Variants in NDST3 observed in about 807,000 individuals in gnomAD.
NDST3 encodes bifunctional heparan sulfate N-deacetylase/N-sulfotransferase 3.
NDST3 carries 58 observed loss-of-function variants against 96.1 expected under a neutral mutation model. That is an observed-to-expected ratio of 0.60 (90% confidence interval 0.49 to 0.75). The LOEUF (loss-of-function observed/expected upper bound fraction) is 0.75, where lower values mean the gene tolerates loss of function less well. NDST3 is among the 30% of genes least tolerant of loss of function. The pLI is 0.00. For synonymous variants in NDST3, 333 were observed against 359.7 expected (o/e 0.93, Z 0.84); for missense variants, 788 against 1,034.2 (o/e 0.76, Z 3.27).
At chr4:118,174,945 C>T (rs1736181648) in intron 6 of NDST3, among the ~76,000 whole-genome samples, 1 of 152,106 alleles carries the variant, frequency 6.6e-6, no homozygotes, top group Admixed American at 6.6e-5. Context: ...TGCTAAAAGC[C>T]ATCCCTTCCT....
At chr4:118,254,255 A>G (rs1446267592) in intron 13 of NDST3, among the ~76,000 whole-genome samples, 3 of 151,986 alleles carry the variant, frequency 2.0e-5, no homozygotes, top group South Asian at 2.1e-4. Context: ...CAAAAAAAAA[A>G]AAAAAAAAAT....
intron 6 of NDST3, among the ~76,000 whole-genome samples, chr4:118,163,718 T>C (rs1330888303): frequency 6.6e-6 from 1 of 151,922 alleles, no homozygotes; most frequent in Non-Finnish European, 1.5e-5. Flanking sequence ...AACCTGCACA[T>C]TGTGAACATA....
At chr4:118,250,219 T>A (rs1390216300) in intron 12 of NDST3, among the ~76,000 whole-genome samples, 1 of 152,046 alleles carries the variant, frequency 6.6e-6, no homozygotes, top group Admixed American at 6.6e-5. Context: ...AGAAATGGGG[T>A]TGGTGGGTCA....
chr4:118,039,391 TA>T (rs1361592807), intron 1 of NDST3, among the ~76,000 whole-genome samples: 1 of 152,186 alleles, frequency 6.6e-6, no homozygotes, highest in Non-Finnish European at 1.5e-5. Context: ...CTGCTATTTG[TA>T]AAATTTAGTA....
At chr4:118,074,163 T>G (rs1052798410) in intron 2 of NDST3, among the ~76,000 whole-genome samples, 3 of 152,206 alleles carry the variant, frequency 2.0e-5, no homozygotes, top group Admixed American at 6.6e-5. Flanking sequence ...TTCAGTTTTT[T>G]TAAATCTGCT....
At chr4:118,150,217 CT>C (rs1560680349) in intron 6 of NDST3, among the ~76,000 whole-genome samples, 1 of 152,116 alleles carries the variant, frequency 6.6e-6, no homozygotes, top group Non-Finnish European at 1.5e-5. Context: ...CTAAAATTCT[CT>C]TTTTTGGATG....
In NDST3 at chr4:118,241,924, C is replaced by T. The variant is rs1309937230; in HGVS notation, c.2290-116C>T. 4.7e-6 allele frequency: 3 copies of T among 635,022 alleles called. No individual in the cohort carries two copies. The East Asian group carries it at 8.0e-5, about 17-fold the overall frequency. The allele number at this position is 635,022 out of a possible 1,614,324, so 39.3% of individuals were successfully genotyped here. ...ACCTGGATTCTATCTAACACCAATG[C>T]ATGCAATTCTGCTCAGGACAGTGTC... On this transcript the variant is annotated intron_variant, in intron 11 of 13. Coordinates refer to ENST00000296499, the MANE Select transcript of NDST3 (RefSeq NM_004784.3).
intron 6 of NDST3, among the ~76,000 whole-genome samples, chr4:118,201,611 GC>G (rs1197108953): frequency 6.6e-6 from 1 of 151,958 alleles, no homozygotes; most frequent in Non-Finnish European, 1.5e-5. Flanking sequence ...CATGTCCTTT[GC>G]CCATTTTTTA....
Position 118,255,828 on chromosome 4 carries a change from A to C in NDST3, c.*116A>C, listed in dbSNP as rs1042627543. ...ACCTCTTCAAATGAGAAAAAAGAAC[A>C]GTTTCTTCCATGTGCTGGCACGTGG... On this transcript the variant is annotated 3_prime_UTR_variant, in exon 14 of 14. Coordinates refer to ENST00000296499, the MANE Select transcript of NDST3 (RefSeq NM_004784.3). 8.3e-7 allele frequency: 1 copy of C among 1,212,110 alleles called. No homozygotes were observed. The highest frequency in any genetic ancestry group is 1.1e-6 in the Non-Finnish European group (1 of 894,016). The allele number at this position is 1,212,110 out of a possible 1,614,324, so 75.1% of individuals were successfully genotyped here.
chr4:118,133,026 T>C (rs773996475), intron 4 of NDST3, among the ~76,000 whole-genome samples: 3 of 152,076 alleles, frequency 2.0e-5, no homozygotes, highest in Non-Finnish European at 2.9e-5. Context: ...CTTCCTGGGA[T>C]TGGGGGAGGA....
intron 6 of NDST3, among the ~76,000 whole-genome samples, chr4:118,172,090 C>T (rs369587843): frequency 6.6e-6 from 1 of 152,128 alleles, no homozygotes. Flanking sequence ...AAAGTATTAT[C>T]GGGCCATCTC....
chr4:118,139,897 T>G (rs922156984), intron 5 of NDST3, among the ~76,000 whole-genome samples: 2 of 152,174 alleles, frequency 1.3e-5, no homozygotes, highest in Admixed American at 1.3e-4. Context: ...GTGAACCTGG[T>G]GCTGCTTCCT....
chr4:118,229,327 A>C (rs1740120223), intron 8 of NDST3, among the ~76,000 whole-genome samples: 1 of 152,184 alleles, frequency 6.6e-6, no homozygotes, highest in African/African-American at 2.4e-5. Context: ...TTTCTGGATA[A>C]TTTTGCAGAT....
intron 3 of NDST3, among the ~76,000 whole-genome samples, chr4:118,107,091 A>AAAT (rs148548944): frequency 1.4e-5 from 2 of 145,336 alleles, no homozygotes; most frequent in African/African-American, 5.0e-5. Context: ...CTCCATCTCA[A>AAAT]AATAATAATA....
rs377410772 is a variant in NDST3, at chr4:118,046,694, A to G, written c.-155-7062A>G. Among the ~76,000 whole-genome samples the G allele has an allele frequency of 3.7e-3, 557 of 152,198 alleles. 5 individuals are homozygous for G. Among genetic ancestry groups the G allele is most frequent in the South Asian group, 0.014 (68 of 4,814 alleles). On this transcript the variant is annotated intron_variant, in intron 1 of 13. Transcript: ENST00000296499. ...ACCTGAAGGATGGAGCCCCAATTCC[A>G]TCCAAGTGCCCGAGGGCTGCAGCAG...
intron 6 of NDST3, among the ~76,000 whole-genome samples, chr4:118,201,876 T>C (rs1738113223): frequency 6.6e-6 from 1 of 152,144 alleles, no homozygotes; most frequent in Non-Finnish European, 1.5e-5. Context: ...GACTTTGAGA[T>C]AAGTATTTCC....
intron 6 of NDST3, among the ~76,000 whole-genome samples, chr4:118,165,603 G>A (rs1249006802): frequency 6.6e-6 from 1 of 151,992 alleles, no homozygotes; most frequent in Non-Finnish European, 1.5e-5. Context: ...TTACTCAACA[G>A]CAGCAGAATG....
At chr4:118,063,022 C>A (rs1210028274) in intron 2 of NDST3, among the ~76,000 whole-genome samples, 1 of 151,964 alleles carries the variant, frequency 6.6e-6, no homozygotes, top group African/African-American at 2.4e-5. Flanking sequence ...GAAACCCCAT[C>A]TCTACTAAAA....
chr4:118,152,974 T>A (rs1175817455), intron 6 of NDST3, among the ~76,000 whole-genome samples: 2 of 152,180 alleles, frequency 1.3e-5, no homozygotes, highest in African/African-American at 4.8e-5. Flanking sequence ...CATTCTTGGT[T>A]CATATCCCCA....
Sources: gnomAD v4.1 joint callset for allele counts (sites outside exome capture counted in the v4.1 genomes callset) on GRCh38, gnomAD v4.1.1 for gene constraint, MANE v1.5 for transcripts, NCBI Gene and HGNC (gene_info 2026-07-23, HGNC 2026-07-21) for gene names.